Variants in CNOT4 observed in about 807,000 individuals in gnomAD.
The protein encoded by CNOT4 is CCR4-NOT transcription complex subunit 4.
In CNOT4, 8 loss-of-function variants were observed where a neutral mutation model predicts 73.8. The ratio of observed to expected loss-of-function variants is 0.11; its 90% CI spans 0.06 to 0.20. The LOEUF is 0.20. CNOT4 is among the 10% of genes least tolerant of loss of function. CNOT4 has a pLI of 1.00. For missense variants in CNOT4, 564 were observed against 883.4 expected (o/e 0.64, Z 4.58); for synonymous variants, 293 against 321.1 (o/e 0.91, Z 0.94).
rs117965740 is a variant in CNOT4 at position 135,368,683 on chromosome 7, C to G, written c.1628-4617G>C. Among the ~76,000 whole-genome samples, 821 of 152,270 alleles carry G rather than the reference C, an allele frequency of 5.4e-3. 6 individuals are homozygous for G. Among genetic ancestry groups the G allele is most frequent in the Admixed American group, 0.012 (185 of 15,290 alleles). On this transcript the variant is annotated intron_variant, in intron 10 of 11. Coordinates refer to ENST00000541284, the MANE Select transcript of CNOT4 (RefSeq NM_001190850.2). ...CATAGTTCTCCCCCTCCTCCCACAC[C>G]AAACCTGAAAATCTCACAACAGGTT...
intron 2 of CNOT4, among the ~76,000 whole-genome samples, chr7:135,436,377 T>TA (rs1260895700): frequency 6.6e-6 from 1 of 151,786 alleles, no homozygotes; most frequent in Non-Finnish European, 1.5e-5. Flanking sequence ...AAGAAAAAGA[T>TA]AAACATCATG....
chr7:135,481,620 G>T (rs912493096), intron 1 of CNOT4, among the ~76,000 whole-genome samples: 3 of 152,124 alleles, frequency 2.0e-5, no homozygotes, highest in African/African-American at 7.2e-5. Context: ...AAGAATCAGT[G>T]TATCAAAGGG....
rs1159888476 is a variant in CNOT4 at position 135,363,560 on chromosome 7, G to A, written c.1840+294C>T. 6.6e-6 allele frequency among the ~76,000 whole-genome samples: 1 copy of A among 152,236 alleles called. No individual in the cohort carries two copies. The highest frequency in any genetic ancestry group is 2.4e-5 in the African/African-American group (1 of 41,464). ...AAGTGGAGTATGTTCCTTATAAGAA[G>A]AGTAAGTCAGATCCTTTTGTACTTT... On this transcript the variant is annotated intron_variant, in intron 11 of 11. Transcript: ENST00000541284. The surrounding 1 kb of genome is among the most constrained non-coding windows in gnomAD (Gnocchi z 4.3).
At chr7:135,462,409 C>A (rs1044967570) in intron 1 of CNOT4, among the ~76,000 whole-genome samples, 2 of 152,108 alleles carry the variant, frequency 1.3e-5, no homozygotes, top group African/African-American at 4.8e-5. Flanking sequence ...GTCCACTTTA[C>A]AGTCATCCCA....
chr7:135,383,504 C>A (rs950280524), intron 10 of CNOT4, among the ~76,000 whole-genome samples: 1 of 152,198 alleles, frequency 6.6e-6, no homozygotes, highest in African/African-American at 2.4e-5. Flanking sequence ...ATTTTCAACT[C>A]ACCGGAAACC....
At chr7:135,453,826 T>TTATATATATATATATATA (rs55732572) in intron 1 of CNOT4, among the ~76,000 whole-genome samples, 151 of 89,874 alleles carry the variant, frequency 1.7e-3, no homozygotes, top group Non-Finnish European at 2.6e-3. Flanking sequence ...TATATATATT[T>TTATATATATATATATATA]TATATATATA....
intron 1 of CNOT4, among the ~76,000 whole-genome samples, chr7:135,443,188 C>CAAAAAAAAAAAAA (rs61062618): frequency 7.5e-6 from 1 of 133,948 alleles, no homozygotes. Context: ...CTATCTCTAC[C>CAAAAAAAAAAAAA]AAAAAAAAAA....
At position 135,364,118 on chromosome 7, in the gene CNOT4, C is replaced by T. The variant is rs1055433352; in HGVS notation, c.1628-52G>A. On this transcript the variant is annotated intron_variant, in intron 10 of 11. Transcript: ENST00000541284. The surrounding 1 kb of genome is among the most constrained non-coding windows in gnomAD (Gnocchi z 4.3). ...AAAGATAAAAAAAAATAAAAAGCTACGTTAGAAACATATGTTGTTCTTTAG... is the reference window on the plus strand; with the variant it reads ...AAAGATAAAAAAAAATAAAAAGCTATGTTAGAAACATATGTTGTTCTTTAG... 25 of 1,320,088 alleles carry T rather than the reference C, an allele frequency of 1.9e-5. No individual in the cohort carries two copies. In the Admixed American group the frequency reaches 2.5e-4, roughly 13 times the overall value. The allele number at this position is 1,320,088 out of a possible 1,614,324, so 81.8% of individuals were successfully genotyped here. A position where few individuals can be genotyped will look rare whatever the true frequency, so the allele number is the denominator to read the frequency against.
At chr7:135,372,718 G>A (rs938365840) in intron 10 of CNOT4, among the ~76,000 whole-genome samples, 4 of 151,914 alleles carry the variant, frequency 2.6e-5, no homozygotes, top group Non-Finnish European at 4.4e-5. Context: ...CATCACACCC[G>A]GCTAATTTTT....
chr7:135,463,285 C>G (rs941069719), intron 1 of CNOT4, among the ~76,000 whole-genome samples: 3 of 152,142 alleles, frequency 2.0e-5, no homozygotes, highest in Non-Finnish European at 4.4e-5. Context: ...TGCCTGTAAT[C>G]CCAGCACTTT....
At chr7:135,372,579 C>T (rs6974291) in intron 10 of CNOT4, among the ~76,000 whole-genome samples, 5,260 of 137,772 alleles carry the variant, frequency 0.038, 315 homozygotes, top group African/African-American at 0.13. Flanking sequence ...TTTTTGGAGA[C>T]GGAGTCTCGC....
intron 1 of CNOT4, among the ~76,000 whole-genome samples, chr7:135,451,743 A>G (rs962053142): frequency 1.3e-5 from 2 of 152,210 alleles, no homozygotes; most frequent in African/African-American, 4.8e-5. Flanking sequence ...AGAAAGCTGA[A>G]CCTTATCTAT....
intron 7 of CNOT4, among the ~76,000 whole-genome samples, chr7:135,399,848 G>A (rs190708218): frequency 5.3e-5 from 8 of 152,162 alleles, no homozygotes; most frequent in Admixed American, 4.6e-4. Context: ...TATGGGTAAT[G>A]CAAACAGTTT....
intron 1 of CNOT4, among the ~76,000 whole-genome samples, chr7:135,503,994 C>A (rs948129004): frequency 6.6e-5 from 10 of 152,208 alleles, no homozygotes; most frequent in South Asian, 6.2e-4. Flanking sequence ...TGTTCAATAA[C>A]ACAAATCAGC....
chr7:135,437,152 A>G (rs1424999085), intron 2 of CNOT4, among the ~76,000 whole-genome samples: 2 of 152,172 alleles, frequency 1.3e-5, no homozygotes, highest in South Asian at 4.1e-4. Context: ...AATATTAAAA[A>G]TAATAGATTT....
chr7:135,465,122 T>C (rs1801137945), intron 1 of CNOT4, among the ~76,000 whole-genome samples: 1 of 152,228 alleles, frequency 6.6e-6, no homozygotes, highest in Admixed American at 6.5e-5. Context: ...TTTCCTAAGC[T>C]GCTGCTCTCT....
At chr7:135,390,449 A>AT (rs1796342781) in intron 10 of CNOT4, among the ~76,000 whole-genome samples, 1 of 151,934 alleles carries the variant, frequency 6.6e-6, no homozygotes, top group Non-Finnish European at 1.5e-5. Context: ...AATAATAATA[A>AT]AAAAAAAGAT....
chr7:135,411,977 T>TAAA (rs372814885), intron 6 of CNOT4, among the ~76,000 whole-genome samples: 71 of 152,072 alleles, frequency 4.7e-4, no homozygotes, highest in African/African-American at 1.7e-3. Flanking sequence ...GAAAGTGTTT[T>TAAA]AACAACAACA....
At chr7:135,499,205 C>G (rs1262079693) in intron 1 of CNOT4, among the ~76,000 whole-genome samples, 2 of 152,062 alleles carry the variant, frequency 1.3e-5, no homozygotes, top group African/African-American at 4.8e-5. Flanking sequence ...GAGATTAAAA[C>G]AAACAAACCA....
Sources: allele counts gnomAD v4.1 joint callset (sites outside exome capture counted in the v4.1 genomes callset), GRCh38; gene constraint gnomAD v4.1.1; non-coding constraint Gnocchi (gnomAD v3.1); transcripts MANE v1.5; gene names NCBI Gene and HGNC (gene_info 2026-07-23, HGNC 2026-07-21).